The following ETV6 variants were observed in gnomAD, a reference collection of about 807,000 sequenced individuals.
The protein encoded by ETV6 is transcription factor ETV6.
ETV6 carries 16 observed loss-of-function variants against 51.1 expected under a neutral mutation model. That is an observed-to-expected ratio of 0.31 (90% CI 0.21 to 0.48). The LOEUF (loss-of-function observed/expected upper bound fraction) is 0.48, where lower values mean the gene tolerates loss of function less well. Among genes scored for constraint, ETV6 ranks in the 20% least tolerant of loss-of-function variants. The pLI, the probability that ETV6 is intolerant of heterozygous loss-of-function variation, is 0.99. For missense variants in ETV6, 458 were observed against 594.8 expected (o/e 0.77, Z 2.39); for synonymous variants, 240 against 224.1 (o/e 1.07, Z -0.64).
At chr12:11,690,930 G>T in intron 1 of ETV6, among the ~76,000 whole-genome samples, 1 of 94,638 alleles carries the variant, frequency 1.1e-5, no homozygotes, top group Non-Finnish European at 2.5e-5. Context: ...AATAAATAGT[G>T]TAATAACCAA....
intron 4 of ETV6, among the ~76,000 whole-genome samples, chr12:11,854,896 C>G (rs1042807056): frequency 2.0e-5 from 3 of 152,066 alleles, no homozygotes; most frequent in Non-Finnish European, 4.4e-5. Flanking sequence ...TTCAAGTGTC[C>G]CAGTTGTTCC....
chr12:11,816,460 A>C (rs1441482739), intron 2 of ETV6, among the ~76,000 whole-genome samples: 2 of 152,054 alleles, frequency 1.3e-5, no homozygotes, highest in African/African-American at 4.8e-5. Flanking sequence ...GTTAGCCAGG[A>C]TGGTCTCGAT....
In ETV6 at chr12:11,734,516, CAAAA is replaced by C. The variant is rs1043955081; in HGVS notation, c.34-17925_34-17922del. Among the ~76,000 whole-genome samples, 18 of 68,546 alleles carry C rather than the reference CAAAA, an allele frequency of 2.6e-4. 1 individual carries two copies. In the South Asian group the frequency reaches 7.6e-3, roughly 29 times the overall value. The allele number at this position is 68,546 out of a possible 152,430, so 45.0% of individuals were successfully genotyped here. A position where few individuals can be genotyped will look rare whatever the true frequency, so the allele number is the denominator to read the frequency against. ...CAGCTACCTGGGGGGCTGAGATGAG[CAAAA>C]AAAAAAAAGAAAAAAAAAAAAAGAA... On this transcript the variant is annotated intron_variant, in intron 1 of 7. Transcript: ENST00000396373.
chr12:11,700,725 TTCATCTTCA>T (rs1237265197), intron 1 of ETV6, among the ~76,000 whole-genome samples: 1 of 152,194 alleles, frequency 6.6e-6, no homozygotes, highest in African/African-American at 2.4e-5. Context: ...CATAAAGGTC[TTCATCTTCA>T]TCATCTTCAT....
intron 1 of ETV6, among the ~76,000 whole-genome samples, chr12:11,706,208 G>C (rs1865070066): frequency 1.3e-5 from 2 of 152,252 alleles, no homozygotes; most frequent in South Asian, 4.1e-4. Context: ...TTCATTTGCA[G>C]TGCAGCTTTA....
At chr12:11,728,001 G>A (rs1380099803) in intron 1 of ETV6, among the ~76,000 whole-genome samples, 1 of 152,014 alleles carries the variant, frequency 6.6e-6, no homozygotes, top group East Asian at 1.9e-4. Flanking sequence ...TAAAATTTTA[G>A]TAGAGACGGG....
chr12:11,652,626 C>T (rs1863927598), intron 1 of ETV6, among the ~76,000 whole-genome samples: 1 of 152,206 alleles, frequency 6.6e-6, no homozygotes, highest in Non-Finnish European at 1.5e-5. Flanking sequence ...AAACCGTCCT[C>T]ACTTGCTTTC....
At chr12:11,761,931 AT>A (rs1945092276) in intron 2 of ETV6, among the ~76,000 whole-genome samples, 1 of 152,190 alleles carries the variant, frequency 6.6e-6, no homozygotes, top group Non-Finnish European at 1.5e-5. Context: ...CATTCACTTG[AT>A]TTTTAGGACT....
intron 2 of ETV6, among the ~76,000 whole-genome samples, chr12:11,815,180 C>G (rs1160409848): frequency 6.6e-6 from 1 of 152,108 alleles, no homozygotes; most frequent in African/African-American, 2.4e-5. Context: ...CTCATTTGAT[C>G]TCACAGCAAG....
At chr12:11,663,450 C>A (rs1198354856) in intron 1 of ETV6, among the ~76,000 whole-genome samples, 1 of 152,170 alleles carries the variant, frequency 6.6e-6, no homozygotes, top group Non-Finnish European at 1.5e-5. Context: ...ATATATGCCA[C>A]ATGTATCGCA....
chr12:11,721,734 A>G (rs1865391816), intron 1 of ETV6, among the ~76,000 whole-genome samples: 1 of 152,260 alleles, frequency 6.6e-6, no homozygotes, highest in African/African-American at 2.4e-5. Context: ...ATTGTTCTAG[A>G]ATTAAGCAAG....
chr12:11,734,963 T>G (rs1315487198), intron 1 of ETV6, among the ~76,000 whole-genome samples: 1 of 152,152 alleles, frequency 6.6e-6, no homozygotes, highest in Non-Finnish European at 1.5e-5. Context: ...AAACCTTTCG[T>G]CTCTAAAGTG....
At chr12:11,880,729 G>A (rs1947078099) in intron 5 of ETV6, among the ~76,000 whole-genome samples, 1 of 152,100 alleles carries the variant, frequency 6.6e-6, no homozygotes, top group Non-Finnish European at 1.5e-5. Flanking sequence ...TGGGCAAAAT[G>A]TCTTTATATG....
chr12:11,741,259 C>T lies in ETV6; in HGVS notation c.34-11191C>T, dbSNP rs146202626. ...TGGCACAGGTGCATCTCTGTAGCAACCTTGACAGCCATCATGTGGGATCAT... is the reference window on the plus strand; with the variant it reads ...TGGCACAGGTGCATCTCTGTAGCAATCTTGACAGCCATCATGTGGGATCAT... On this transcript the variant is annotated intron_variant, in intron 1 of 7. Transcript: ENST00000396373. Among the ~76,000 whole-genome samples, 420 of 152,306 alleles carry T rather than the reference C, an allele frequency of 2.8e-3. 1 individual carries two copies. Among genetic ancestry groups the T allele is most frequent in the Middle Eastern group, 6.8e-3 (2 of 294 alleles).
intron 1 of ETV6, among the ~76,000 whole-genome samples, chr12:11,719,891 G>A (rs748328320): frequency 5.9e-5 from 9 of 152,188 alleles, no homozygotes; most frequent in East Asian, 1.9e-4. Context: ...CTGTGGTGAC[G>A]CCAAGGGCAC....
chr12:11,788,754 TG>T (rs140816632), intron 2 of ETV6, among the ~76,000 whole-genome samples: 16,741 of 142,048 alleles, frequency 0.12, 1,395 homozygotes, highest in East Asian at 0.36. Context: ...GTGCTTGTAT[TG>T]GTTTTTTTTT....
At chr12:11,890,846 T>C in intron 7 of ETV6, 95 bp from the exon 8 acceptor site, 1 of 925,370 alleles carries the variant, frequency 1.1e-6, no homozygotes, top group Admixed American at 1.9e-5. Flanking sequence ...CTGTATAAGA[T>C]GATGGAGTCT....
intron 2 of ETV6, among the ~76,000 whole-genome samples, chr12:11,759,869 T>C (rs558965451): frequency 3.9e-5 from 6 of 152,374 alleles, no homozygotes; most frequent in African/African-American, 1.4e-4. Flanking sequence ...GCAGTTTCCA[T>C]GCTCAAATAA....
intron 1 of ETV6, among the ~76,000 whole-genome samples, chr12:11,671,939 G>T (rs1864325324): frequency 6.8e-6 from 1 of 146,284 alleles, no homozygotes; most frequent in Admixed American, 6.8e-5. Context: ...TAGGTCATGT[G>T]AAAAAAAAAA....
Sources: gnomAD v4.1 joint callset for allele counts (sites outside exome capture counted in the v4.1 genomes callset) on GRCh38, gnomAD v4.1.1 for gene constraint, MANE v1.5 for transcripts, NCBI Gene and HGNC (gene_info 2026-07-23, HGNC 2026-07-21) for gene names.